PLCB1: variants seen among roughly 807,000 people sequenced by gnomAD.
PLCB1 encodes phospholipase C beta 1, also known as 1-phosphatidylinositol 4,5-bisphosphate phosphodiesterase beta-1.
A neutral mutation model predicts 161.8 loss-of-function variants in PLCB1; 46 were observed. The ratio of observed to expected loss-of-function variants is 0.28; its 90% confidence interval spans 0.22 to 0.36. PLCB1 has a LOEUF of 0.36. PLCB1 is among the 10% of genes least tolerant of loss of function. The pLI is 1.00. For synonymous variants in PLCB1, 517 were observed against 503.7 expected, an observed-to-expected ratio of 1.03 and a Z score of -0.35; for missense variants, 1,016 against 1,472.5, an observed-to-expected ratio of 0.69 and a Z score of 5.07.
chr20:8,422,279 A>G (rs1038678724), intron 3 of PLCB1, among the ~76,000 whole-genome samples: 8 of 152,270 alleles, frequency 5.3e-5, no homozygotes, highest in African/African-American at 1.7e-4. Flanking sequence ...TGCACAAAAA[A>G]GAGCAGAGAA....
chr20:8,668,355 G>C (rs1280459846), intron 9 of PLCB1, among the ~76,000 whole-genome samples: 2 of 152,152 alleles, frequency 1.3e-5, no homozygotes, highest in South Asian at 2.1e-4. Context: ...AGCTGTGACA[G>C]CAAAGATTAT....
At chr20:8,300,899 G>A (rs1171840431) in intron 2 of PLCB1, among the ~76,000 whole-genome samples, 1 of 152,150 alleles carries the variant, frequency 6.6e-6, no homozygotes, top group Non-Finnish European at 1.5e-5. Flanking sequence ...ACACCTGCAG[G>A]TAAAGATAAG....
chr20:8,827,537 G>GA (rs1413855128), intron 31 of PLCB1, among the ~76,000 whole-genome samples: 1 of 152,166 alleles, frequency 6.6e-6, no homozygotes, highest in Non-Finnish European at 1.5e-5. Flanking sequence ...ATAAATTATT[G>GA]AAAAATTGAA....
At chr20:8,759,040 T>G (rs2123568127) in intron 24 of PLCB1, among the ~76,000 whole-genome samples, 1 of 152,354 alleles carries the variant, frequency 6.6e-6, no homozygotes, top group South Asian at 2.1e-4. Context: ...CCAAATTGTA[T>G]TTTATTGTCA....
At chr20:8,508,811 A>G (rs1270441248) in intron 3 of PLCB1, among the ~76,000 whole-genome samples, 5 of 152,060 alleles carry the variant, frequency 3.3e-5, no homozygotes, top group Non-Finnish European at 7.4e-5. Context: ...TATGAATTAT[A>G]TTTTACTATG....
chr20:8,389,602 A>G (rs1005762010), intron 3 of PLCB1, among the ~76,000 whole-genome samples: 3 of 152,214 alleles, frequency 2.0e-5, no homozygotes, highest in Non-Finnish European at 4.4e-5. Flanking sequence ...AATTTGTTCT[A>G]CATGCAATGG....
chr20:8,464,619 T>C (rs560721009), intron 3 of PLCB1, among the ~76,000 whole-genome samples: 3 of 152,306 alleles, frequency 2.0e-5, no homozygotes, highest in African/African-American at 4.8e-5. Context: ...CTCAGCAGGT[T>C]TGTGGTACAA....
At chr20:8,487,474 T>C (rs1047345442) in intron 3 of PLCB1, among the ~76,000 whole-genome samples, 2 of 152,182 alleles carry the variant, frequency 1.3e-5, no homozygotes, top group African/African-American at 4.8e-5. Flanking sequence ...CAGCATTTGC[T>C]TTGCAACAAT....
At chr20:8,197,859 G>A (rs1386725406) in intron 2 of PLCB1, among the ~76,000 whole-genome samples, 1 of 152,158 alleles carries the variant, frequency 6.6e-6, no homozygotes, top group East Asian at 1.9e-4. Flanking sequence ...AAGGGATCCA[G>A]TTTCAGCTTT....
intron 3 of PLCB1, among the ~76,000 whole-genome samples, chr20:8,578,610 AG>A (rs2123071645): frequency 6.6e-6 from 1 of 152,360 alleles, no homozygotes; most frequent in East Asian, 1.9e-4. Flanking sequence ...TCCAGAGTAC[AG>A]ACGATAGATG....
intron 10 of PLCB1, among the ~76,000 whole-genome samples, chr20:8,693,999 G>A (rs896048564): frequency 1.3e-5 from 2 of 152,176 alleles, no homozygotes; most frequent in African/African-American, 2.4e-5. Context: ...AAATACCAAA[G>A]GTTGAATGAC....
At position 8,132,583 on chromosome 20, in the gene PLCB1, C is replaced by T; in HGVS notation, c.-69C>T. The T allele has an allele frequency of 2.9e-6, 3 of 1,031,316 alleles. No individual in the cohort carries two copies. The highest frequency in any genetic ancestry group is 4.0e-6 in the Non-Finnish European group (3 of 749,528). 63.9% of individuals were successfully genotyped at this position (1,031,316 alleles called of 1,614,324 possible). ...AGAAAGGAGCCCGCGCCCCGCGCCC[C>T]GCGCCCCGCGCACGGTCCCCAGTCC... On this transcript the variant is annotated 5_prime_UTR_variant, in exon 1 of 32. Coordinates refer to ENST00000338037, the MANE Select transcript of PLCB1 (RefSeq NM_015192.4). This position sits in a 1 kb window ranked among gnomAD's most constrained non-coding sequence, Gnocchi z 5.2.
intron 31 of PLCB1, among the ~76,000 whole-genome samples, chr20:8,861,599 G>A (rs6086659): frequency 0.28 from 42,982 of 151,776 alleles, 7,349 homozygotes; most frequent in East Asian, 0.65. Flanking sequence ...GCATGGTGGC[G>A]CGCGCCTGTA....
intron 2 of PLCB1, among the ~76,000 whole-genome samples, chr20:8,292,161 T>C (rs532083583): frequency 5.1e-4 from 78 of 152,290 alleles, no homozygotes; most frequent in African/African-American, 1.8e-3. Flanking sequence ...AAACTGAGCC[T>C]GACTGAAGAA....
intron 2 of PLCB1, among the ~76,000 whole-genome samples, chr20:8,243,211 C>G (rs1378131204): frequency 1.3e-5 from 2 of 151,986 alleles, no homozygotes; most frequent in Non-Finnish European, 2.9e-5. Context: ...ACTCTAGAAG[C>G]AAGCCCAGCA....
At chr20:8,698,962 A>G (rs151016440) in intron 11 of PLCB1, among the ~76,000 whole-genome samples, 106 of 152,300 alleles carry the variant, frequency 7.0e-4, no homozygotes, top group African/African-American at 2.4e-3. Context: ...CCAAATATCT[A>G]AAGTCTGTCC....
At chr20:8,765,396 T>C in intron 26 of PLCB1, 38 bp downstream of exon 26, 3 of 1,429,384 alleles carry the variant, frequency 2.1e-6, no homozygotes, top group Non-Finnish European at 2.9e-6. Flanking sequence ...TTTCATAGCA[T>C]GAAGAGTTGT....
Position 8,496,180 on chromosome 20 carries a change from A to G in PLCB1, c.246+124730A>G, listed in dbSNP as rs914271274. Among the ~76,000 whole-genome samples the G allele has an allele frequency of 5.9e-5, 9 of 152,284 alleles. 1 individual carries two copies. On this transcript the variant is annotated intron_variant, in intron 3 of 31. Coordinates refer to ENST00000338037, the MANE Select transcript of PLCB1 (RefSeq NM_015192.4). Reference sequence around the variant, plus strand: ...AAGGTATGTCCCAGACTTATAATTTAAGGAGAACTTACTCTCTAGAAATGT... The same window carrying G: ...AAGGTATGTCCCAGACTTATAATTTGAGGAGAACTTACTCTCTAGAAATGT...
intron 1 of PLCB1, among the ~76,000 whole-genome samples, chr20:8,146,851 T>C (rs1010429843): frequency 3.9e-5 from 6 of 152,232 alleles, no homozygotes; most frequent in African/African-American, 1.2e-4. Flanking sequence ...AAACGTATTA[T>C]ATCAAATAAA....
Sources: gnomAD v4.1 joint callset for allele counts (sites outside exome capture counted in the v4.1 genomes callset) on GRCh38, gnomAD v4.1.1 for gene constraint, Gnocchi (gnomAD v3.1) non-coding constraint, MANE v1.5 for transcripts, NCBI Gene and HGNC (gene_info 2026-07-23, HGNC 2026-07-21) for gene names.